The following RUSC2 variants were observed in gnomAD, a reference collection of about 807,000 sequenced individuals.
RUSC2 encodes AP-4 complex accessory subunit RUSC2.
RUSC2 carries 34 observed loss-of-function variants against 122.2 expected under a neutral mutation model. The observed-to-expected ratio is 0.28, with a 90% CI of 0.21 to 0.37. The LOEUF (loss-of-function observed/expected upper bound fraction) is 0.37, where lower values mean the gene tolerates loss of function less well. Among genes scored for constraint, RUSC2 ranks in the 10% least tolerant of loss-of-function variants. RUSC2 has a pLI of 1.00. For synonymous variants in RUSC2, 784 were observed against 790.0 expected, an observed-to-expected ratio of 0.99 and a Z score of 0.13; for missense variants, 1,747 against 1,952.4, an observed-to-expected ratio of 0.89 and a Z score of 1.98.
At chr9:35,510,100 A>G (rs1820986180) in intron 1 of RUSC2, among the ~76,000 whole-genome samples, 1 of 152,256 alleles carries the variant, frequency 6.6e-6, no homozygotes, top group South Asian at 2.1e-4. Flanking sequence ...AAATAAAAAT[A>G]TGTAATATAA....
Position 35,561,014 on chromosome 9 carries a change from G to C in RUSC2, c.4266G>C (p.Gln1422His), listed in dbSNP as rs1472297500. 1 of 1,614,210 alleles carries C rather than the reference G, an allele frequency of 6.2e-7. No individual in the cohort carries two copies. The highest frequency in any genetic ancestry group is 1.1e-5 in the South Asian group (1 of 91,088). Residue 1422 changes from glutamine to histidine, a missense_variant, in exon 11 of 12, where the codon CAG becomes CAC. Transcript: ENST00000361226. ...LDKSMFQLVAQTVGSRREPEP... is the reference protein window; with the variant it reads ...LDKSMFQLVAHTVGSRREPEP... ...AGTCCATGTTCCAACTAGTGGCGCA[G>C]ACAGTGGGTTCCCGCCGGGAGCCAG... is the stretch of plus-strand genomic sequence containing the variant.
At chr9:35,532,444 G>A (rs1262918494) in intron 1 of RUSC2, among the ~76,000 whole-genome samples, 2 of 152,108 alleles carry the variant, frequency 1.3e-5, no homozygotes, top group Non-Finnish European at 2.9e-5. Flanking sequence ...AGGAGGATTG[G>A]TTTATAGAAG....
Position 35,547,640 on chromosome 9 carries a change from C to A in RUSC2, c.1119C>A (p.Cys373Ter). The A allele has an allele frequency of 6.2e-7, 1 of 1,614,200 alleles. No homozygotes were observed. The highest frequency in any genetic ancestry group is 8.5e-7 in the Non-Finnish European group (1 of 1,180,030). ...CNSYRPHCEP[C>*]PAVADLTACF... is the part of the protein sequence containing the mutation. Reference sequence around the variant, plus strand: ...CCTACCGCCCACACTGTGAGCCGTGCCCAGCAGTGGCTGACCTCACAGCCT... The same window carrying A: ...CCTACCGCCCACACTGTGAGCCGTGACCAGCAGTGGCTGACCTCACAGCCT... Residue 373 changes from cysteine to a stop codon, truncating the protein, a stop_gained, in exon 2 of 12, where the codon TGC becomes TGA. Coordinates refer to ENST00000361226, the MANE Select transcript of RUSC2 (RefSeq NM_014806.5). LOFTEE classifies it high-confidence loss of function. This position sits in a 1 kb window ranked among gnomAD's most constrained non-coding sequence, Gnocchi z 4.6.
chr9:35,548,343 C>A lies in RUSC2; in HGVS notation c.1822C>A (p.Leu608Ile), dbSNP rs1356682474. The stretch of plus-strand genomic sequence containing the variant: ...CATGCCTTTGGGGCCAGGCATGGAC[C>A]TACTTGGCCCAGACCCAAGTCCACC... Reference protein sequence around the residue: ...PPMPLGPGMDLLGPDPSPPWS... With the variant: ...PPMPLGPGMDILGPDPSPPWS... Residue 608 changes from leucine to isoleucine, a missense_variant, in exon 2 of 12, where the codon CTA becomes ATA. Physicochemically the swap from Leu to Ile is conservative, Grantham distance 5. Transcript: ENST00000361226. This position sits in a 1 kb window ranked among gnomAD's most constrained non-coding sequence, Gnocchi z 4.5. 2 of 1,613,906 alleles carry A rather than the reference C, an allele frequency of 1.2e-6. No homozygotes were observed. The highest frequency in any genetic ancestry group is 1.7e-6 in the Non-Finnish European group (2 of 1,180,040).
intron 1 of RUSC2, among the ~76,000 whole-genome samples, chr9:35,498,857 C>T (rs921909457): frequency 6.9e-6 from 1 of 144,492 alleles, no homozygotes; most frequent in Non-Finnish European, 1.5e-5. Context: ...AAAAAAAAAA[C>T]AAAAAAAGAA....
intron 1 of RUSC2, among the ~76,000 whole-genome samples, chr9:35,511,775 T>C (rs1477630382): frequency 6.6e-6 from 1 of 152,214 alleles, no homozygotes; most frequent in African/African-American, 2.4e-5. Flanking sequence ...CTTTCTTGCT[T>C]TATAATCCTT....
At position 35,558,095 on chromosome 9, in the gene RUSC2, C is replaced by G; in HGVS notation, c.3061-102C>G. On this transcript the variant is annotated intron_variant, in intron 6 of 11. Coordinates refer to ENST00000361226, the MANE Select transcript of RUSC2 (RefSeq NM_014806.5). The surrounding 1 kb of genome is among the most constrained non-coding windows in gnomAD (Gnocchi z 4.3). ...TGCATTTAGAGCCCAGGGTTGGGTA[C>G]TTAGGAATGGGGACGGCAAGAGGGG... 6.3e-7 allele frequency: 1 copy of G among 1,585,944 alleles called. No homozygotes were observed. The highest frequency in any genetic ancestry group is 8.6e-7 in the Non-Finnish European group (1 of 1,157,774).
chr9:35,556,687 T>G (rs1224292208), intron 5 of RUSC2, among the ~76,000 whole-genome samples: 1 of 151,758 alleles, frequency 6.6e-6, no homozygotes, highest in Non-Finnish European at 1.5e-5. Flanking sequence ...ATTAGCTGGG[T>G]GTTGTGGTGG....
rs538939060 is a variant in RUSC2, at chr9:35,558,140, G to C, written c.3061-57G>C. The C allele has an allele frequency of 3.1e-6, 5 of 1,595,004 alleles. No homozygotes were observed. The African/African-American group carries it at 6.7e-5, about 21-fold the overall frequency. On this transcript the variant is annotated intron_variant, in intron 6 of 11. Coordinates refer to ENST00000361226, the MANE Select transcript of RUSC2 (RefSeq NM_014806.5). This position sits in a 1 kb window ranked among gnomAD's most constrained non-coding sequence, Gnocchi z 4.3. ...GAGGGGAACCATGAGGGCCTGCTAC[G>C]AGAGGACCACAGTCAGGCCTGAGGG...
chr9:35,532,292 C>T (rs977004779), intron 1 of RUSC2, among the ~76,000 whole-genome samples: 5 of 152,118 alleles, frequency 3.3e-5, no homozygotes, highest in African/African-American at 4.8e-5. Context: ...TGGAAATCAA[C>T]GGCAAAGGTA....
chr9:35,559,287 C>T lies in RUSC2; in HGVS notation c.3388+15C>T. On this transcript the variant is annotated intron_variant, in intron 9 of 11. Transcript: ENST00000361226. ...TAACCACGAAGGTAATGCCTAGAAC[C>T]CTGCAGGTCAAACTCAATGGGTCAG... 1 of 1,607,010 alleles carries T rather than the reference C, an allele frequency of 6.2e-7. No homozygotes were observed. Among genetic ancestry groups the T allele is most frequent in the Admixed American group, 1.7e-5 (1 of 60,004 alleles).
chr9:35,533,482 A>G (rs971532083), intron 1 of RUSC2, among the ~76,000 whole-genome samples: 1 of 152,164 alleles, frequency 6.6e-6, no homozygotes, highest in African/African-American at 2.4e-5. Flanking sequence ...AATATAATTG[A>G]CATACCATAC....
chr9:35,543,942 T>C (rs1307571266), intron 1 of RUSC2, among the ~76,000 whole-genome samples: 1 of 152,218 alleles, frequency 6.6e-6, no homozygotes, highest in East Asian at 1.9e-4. Context: ...TGTGAACATA[T>C]GTTTTCATTT....
chr9:35,509,727 TAAAG>T (rs1820979594), intron 1 of RUSC2, among the ~76,000 whole-genome samples: 1 of 152,210 alleles, frequency 6.6e-6, no homozygotes, highest in Non-Finnish European at 1.5e-5. Flanking sequence ...GGATTCAGGT[TAAAG>T]AAAAGAGGAG....
At chr9:35,536,808 CAA>C (rs67604535) in intron 1 of RUSC2, among the ~76,000 whole-genome samples, 1 of 69,618 alleles carries the variant, frequency 1.4e-5, no homozygotes, top group Non-Finnish European at 2.5e-5. Context: ...GAGTGAAACT[CAA>C]AAAAAAAAAA....
At chr9:35,514,527 A>G (rs906551690) in intron 1 of RUSC2, among the ~76,000 whole-genome samples, 2 of 152,210 alleles carry the variant, frequency 1.3e-5, no homozygotes, top group African/African-American at 4.8e-5. Context: ...AGGAAGGGAA[A>G]CCAGGTTAGA....
chr9:35,549,910 G>GT (rs563554636), intron 2 of RUSC2, among the ~76,000 whole-genome samples: 25 of 81,898 alleles, frequency 3.1e-4, no homozygotes, highest in African/African-American at 8.0e-4. Context: ...TTCAGGCCTT[G>GT]TTTAAAAAAA....
Position 35,508,884 on chromosome 9 carries a change from T to G in RUSC2, c.-93+18712T>G, listed in dbSNP as rs138282047. The stretch of plus-strand genomic sequence containing the variant: ...AGAATACAAGTACATTTCCCAGAAC[T>G]GAAGAATATGAGTCTACAAATTGAA... On this transcript the variant is annotated intron_variant, in intron 1 of 11. Coordinates refer to ENST00000361226, the MANE Select transcript of RUSC2 (RefSeq NM_014806.5). 2.0e-5 allele frequency among the ~76,000 whole-genome samples: 3 copies of G among 152,266 alleles called. No homozygotes were observed. The East Asian group carries it at 5.8e-4, about 29-fold the overall frequency.
At chr9:35,494,237 G>A (rs548776178) in intron 1 of RUSC2, among the ~76,000 whole-genome samples, 14 of 151,948 alleles carry the variant, frequency 9.2e-5, no homozygotes, top group African/African-American at 2.4e-4. Context: ...AGGCCGAGGC[G>A]GGCGGATCAC....
Sources: allele counts gnomAD v4.1 joint callset (sites outside exome capture counted in the v4.1 genomes callset), GRCh38; gene constraint gnomAD v4.1.1; non-coding constraint Gnocchi (gnomAD v3.1); transcripts MANE v1.5; gene names NCBI Gene and HGNC (gene_info 2026-07-23, HGNC 2026-07-21).